GOLGA6L9: variants seen among roughly 807,000 people sequenced by gnomAD.
GOLGA6L9 encodes the protein golgin subfamily A member 6-like protein 9.
A neutral mutation model predicts 51.3 loss-of-function variants in GOLGA6L9; 19 were observed. The observed-to-expected ratio is 0.37, with a 90% CI of 0.26 to 0.54. GOLGA6L9 has a LOEUF of 0.54. Among genes scored for constraint, GOLGA6L9 ranks in the 20% least tolerant of loss-of-function variants. The probability of loss-of-function intolerance (pLI) is 0.83; values close to 1 mark genes in which losing one functional copy is unlikely to be tolerated. For missense variants in GOLGA6L9, 247 were observed against 464.1 expected, an observed-to-expected ratio of 0.53 and a Z score of 4.30; for synonymous variants, 97 against 184.2, an observed-to-expected ratio of 0.53 and a Z score of 3.83.
Position 82,431,891 on chromosome 15 carries a change from AAATC to A in GOLGA6L9, c.150_153del (p.Ile50MetfsTer44), listed in dbSNP as rs1448727288. ...CCAGCAGGAGCTAACAGGAAAAAGA[AAATC>A]AATGGCAGTAGCCCTGACACATTCA... is the stretch of plus-strand genomic sequence containing the variant. On this transcript the variant is annotated frameshift_variant, in exon 2 of 9. Coordinates refer to ENST00000618348, the MANE Select transcript of GOLGA6L9 (RefSeq NM_198181.4). LOFTEE classifies it high-confidence loss of function. 1.4e-6 allele frequency: 2 copies of A among 1,428,196 alleles called. No individual in the cohort carries two copies. The highest frequency in any genetic ancestry group is 1.5e-5 in the African/African-American group (1 of 68,260). 88.5% of individuals were successfully genotyped at this position (1,428,196 alleles called of 1,614,324 possible). A position where few individuals can be genotyped will look rare whatever the true frequency, so the allele number is the denominator to read the frequency against.
At chr15:82,435,277 C>T (rs1477713470) in intron 7 of GOLGA6L9, 6,147 of 234,908 alleles carry the variant, frequency 0.026, 85 homozygotes, top group Non-Finnish European at 0.036. Context: ...AGGACAATCA[C>T]TTGAGGTCAG....
upstream of GOLGA6L9, among the ~76,000 whole-genome samples, chr15:82,424,825 C>G (rs1476423087): frequency 6.8e-6 from 1 of 146,234 alleles, no homozygotes; most frequent in East Asian, 2.0e-4. Flanking sequence ...AGACTCTTCT[C>G]GAGCAATCAA....
upstream of GOLGA6L9, among the ~76,000 whole-genome samples, chr15:82,429,442 G>A (rs1337537794): frequency 1.3e-5 from 2 of 152,124 alleles, no homozygotes; most frequent in Non-Finnish European, 2.9e-5. Context: ...TAACAATAAT[G>A]TAGGAGAATA....
upstream of GOLGA6L9, among the ~76,000 whole-genome samples, chr15:82,427,227 TTTC>T (rs1235610310): frequency 3.4e-3 from 370 of 107,278 alleles, no homozygotes; most frequent in African/African-American, 0.021. Flanking sequence ...TGTTTCTTTC[TTTC>T]TTCTTCTTCC....
rs1406373249 is a variant in GOLGA6L9 at position 82,436,515 on chromosome 15, T to A, written c.*104T>A. 3.1e-5 allele frequency: 46 copies of A among 1,479,808 alleles called. No homozygotes were observed. In the African/African-American group the frequency reaches 6.1e-4, roughly 20 times the overall value. The allele number at this position is 1,479,808 out of a possible 1,614,324, so 91.7% of individuals were successfully genotyped here. ...AATGTTAGAGCCACTTATGTTTGTG[T>A]TTCTAATTTATAGTTTAAATTTATT... is the stretch of plus-strand genomic sequence containing the variant. On this transcript the variant is annotated 3_prime_UTR_variant, in exon 9 of 9. Transcript: ENST00000618348.
chr15:82,416,161 G>GTT, the GOLGA6L9 span, among the ~76,000 whole-genome samples: 3 of 152,320 alleles, frequency 2.0e-5, no homozygotes, highest in African/African-American at 7.2e-5. Flanking sequence ...CATAGGTGAA[G>GTT]AGTAAGCGCA....
upstream of GOLGA6L9, among the ~76,000 whole-genome samples, chr15:82,424,963 CAAAT>C (rs2031185450): frequency 7.4e-6 from 1 of 134,900 alleles, no homozygotes; most frequent in Admixed American, 7.6e-5. Context: ...AAATATTTCT[CAAAT>C]GAAGCCGGCC....
At position 82,432,605 on chromosome 15, in the gene GOLGA6L9, T is replaced by A; in HGVS notation, c.238T>A (p.Ser80Thr). 2.5e-6 allele frequency: 4 copies of A among 1,604,542 alleles called. No homozygotes were observed. Among genetic ancestry groups the A allele is most frequent in the Non-Finnish European group, 2.5e-6 (3 of 1,179,656 alleles). The change falls in exon 3 of 9, where the codon TCC (serine) becomes ACC (threonine). Residue 80 changes from serine (S) to threonine (T), a missense_variant. Transcript: ENST00000618348. ...ATGIYGEGRA[S>T]STTLQDLESQ... Reference sequence around the variant, plus strand: ...AGGTATCTACGGGGAGGGCCGTGCATCCTCTACTACCCTGCAGGATCTGGA... The same window carrying A: ...AGGTATCTACGGGGAGGGCCGTGCAACCTCTACTACCCTGCAGGATCTGGA...
chr15:82,426,213 T>C (rs2031210323), upstream of GOLGA6L9, among the ~76,000 whole-genome samples: 1 of 36,184 alleles, frequency 2.8e-5, no homozygotes, highest in Admixed American at 3.4e-4. Flanking sequence ...TGTCTTTTCC[T>C]CAATTTCATA....
the GOLGA6L9 span, among the ~76,000 whole-genome samples, chr15:82,416,352 C>T: frequency 6.6e-6 from 1 of 151,862 alleles, no homozygotes. Flanking sequence ...AAACTATTAC[C>T]CCTGGATATT....
upstream of GOLGA6L9, among the ~76,000 whole-genome samples, chr15:82,429,649 G>A (rs2031331195): frequency 6.6e-6 from 1 of 152,126 alleles, no homozygotes; most frequent in Non-Finnish European, 1.5e-5. Flanking sequence ...CAAAATCATA[G>A]ACTTTGCATA....
the GOLGA6L9 span, among the ~76,000 whole-genome samples, chr15:82,421,816 A>AC: frequency 3.6e-5 from 1 of 27,750 alleles, no homozygotes; most frequent in Non-Finnish European, 6.3e-5. Flanking sequence ...AAAAAAAAAA[A>AC]AAAAAAAAGT....
At chr15:82,429,483 G>C (rs1173919780), upstream of GOLGA6L9, among the ~76,000 whole-genome samples, 2 of 152,140 alleles carry the variant, frequency 1.3e-5, no homozygotes, top group African/African-American at 2.4e-5. Context: ...AAGAGAAATT[G>C]TTGTGATTAT....
chr15:82,419,601 G>C, the GOLGA6L9 span, among the ~76,000 whole-genome samples: 6 of 152,098 alleles, frequency 3.9e-5, no homozygotes, highest in Non-Finnish European at 5.9e-5. Context: ...AGTGAGCTGA[G>C]ATGGTGCCAC....
chr15:82,436,568 A>G lies in GOLGA6L9; in HGVS notation c.*157A>G, dbSNP rs1386641636. 3 of 768,524 alleles carry G rather than the reference A, an allele frequency of 3.9e-6. No individual in the cohort carries two copies. The highest frequency in any genetic ancestry group is 5.9e-6 in the Non-Finnish European group (3 of 509,316). The allele number at this position is 768,524 out of a possible 1,614,324, so 47.6% of individuals were successfully genotyped here. A position where few individuals can be genotyped will look rare whatever the true frequency, so the allele number is the denominator to read the frequency against. ...TGTTTCTAATTTATAGTTTAAATTTATTTGTTTCTAATTTATAGTTTAAAT... is the reference window on the plus strand; with the variant it reads ...TGTTTCTAATTTATAGTTTAAATTTGTTTGTTTCTAATTTATAGTTTAAAT... On this transcript the variant is annotated 3_prime_UTR_variant, in exon 9 of 9. Coordinates refer to ENST00000618348, the MANE Select transcript of GOLGA6L9 (RefSeq NM_198181.4).
chr15:82,436,438 A>C lies in GOLGA6L9; in HGVS notation c.*27A>C. 2.0e-6 allele frequency: 3 copies of C among 1,516,130 alleles called. No homozygotes were observed. The highest frequency in any genetic ancestry group is 1.8e-6 in the Non-Finnish European group (2 of 1,110,098). The allele number at this position is 1,516,130 out of a possible 1,614,324, so 93.9% of individuals were successfully genotyped here. ...AGCGGGTCAAGAAATTGAAAAAAAA[A>C]AACAAAACATTTAAGGGGTTAATAT... is the stretch of plus-strand genomic sequence containing the variant. On this transcript the variant is annotated 3_prime_UTR_variant, in exon 9 of 9. Transcript: ENST00000618348.
In GOLGA6L9 at chr15:82,436,528, GTTTAAA is replaced by G. The variant is rs1419045517; in HGVS notation, c.*122_*127del. 2.2e-6 allele frequency: 3 copies of G among 1,377,010 alleles called. No homozygotes were observed. The highest frequency in any genetic ancestry group is 1.5e-5 in the African/African-American group (1 of 67,664). 85.3% of individuals were successfully genotyped at this position (1,377,010 alleles called of 1,614,324 possible). A position where few individuals can be genotyped will look rare whatever the true frequency, so the allele number is the denominator to read the frequency against. ...CTTATGTTTGTGTTTCTAATTTATA[GTTTAAA>G]TTTATTTGTGTTTCTAATTTATAGT... On this transcript the variant is annotated 3_prime_UTR_variant, in exon 9 of 9. Coordinates refer to ENST00000618348, the MANE Select transcript of GOLGA6L9 (RefSeq NM_198181.4).
In GOLGA6L9 at chr15:82,438,220, TA is replaced by T; in HGVS notation, c.*1810del. 2 of 148,408 alleles carry T rather than the reference TA, an allele frequency of 1.3e-5. No individual in the cohort carries two copies. The highest frequency in any genetic ancestry group is 4.3e-4 in the South Asian group (2 of 4,696). The allele number at this position is 148,408 out of a possible 1,614,324, so 9.2% of individuals were successfully genotyped here. Reference sequence around the variant, plus strand: ...TTTTACCCTGACACGTATAAATGACTAGGAATGACCTTCAGATAGCATTTAG... The same window carrying T: ...TTTTACCCTGACACGTATAAATGACTGGAATGACCTTCAGATAGCATTTAG... On this transcript the variant is annotated 3_prime_UTR_variant, in exon 9 of 9. Transcript: ENST00000618348.
In GOLGA6L9 at chr15:82,439,075, G is replaced by C. The variant is rs1278248309; in HGVS notation, c.*2664G>C. ...GAAATACTGATTTTTGTCTAAAGTG[G>C]CATTATTGACTGCTGCTGTGATGCT... On this transcript the variant is annotated 3_prime_UTR_variant, in exon 9 of 9. Coordinates refer to ENST00000618348, the MANE Select transcript of GOLGA6L9 (RefSeq NM_198181.4). 2.6e-5 allele frequency: 4 copies of C among 151,666 alleles called. No homozygotes were observed. Among genetic ancestry groups the C allele is most frequent in the Non-Finnish European group, 5.9e-5 (4 of 67,924 alleles). 9.4% of individuals were successfully genotyped at this position (151,666 alleles called of 1,614,324 possible).
Sources: allele counts gnomAD v4.1 joint callset (sites outside exome capture counted in the v4.1 genomes callset), GRCh38; gene constraint gnomAD v4.1.1; transcripts MANE v1.5; gene names NCBI Gene and HGNC (gene_info 2026-07-23, HGNC 2026-07-21).